FHIT: variants seen among roughly 807,000 people sequenced by gnomAD.
FHIT encodes fragile histidine triad diadenosine triphosphatase, also known as bis(5'-adenosyl)-triphosphatase.
Under a neutral mutation model 17.9 loss-of-function variants are expected in FHIT, and 19 were observed. The observed-to-expected ratio is 1.06, with a 90% CI of 0.74 to 1.56. FHIT has a LOEUF of 1.56. Ranked by LOEUF, FHIT falls within the 40% of genes most tolerant of loss-of-function variation. The pLI is 0.00. For missense variants in FHIT, 248 were observed against 189.2 expected, an observed-to-expected ratio of 1.31 and a Z score of -1.82; for synonymous variants, 81 against 69.7, an observed-to-expected ratio of 1.16 and a Z score of -0.81.
chr3:60,413,355 G>A (rs1419267444), intron 5 of FHIT, among the ~76,000 whole-genome samples: 1 of 152,090 alleles, frequency 6.6e-6, no homozygotes, highest in Non-Finnish European at 1.5e-5. Flanking sequence ...GAGAGAGGGA[G>A]AGAAACACTA....
chr3:60,738,586 C>T (rs999152673), intron 4 of FHIT, among the ~76,000 whole-genome samples: 12 of 152,222 alleles, frequency 7.9e-5, no homozygotes, highest in Admixed American at 3.3e-4. Flanking sequence ...CACCTTGATG[C>T]ATTTGAAGAA....
intron 4 of FHIT, among the ~76,000 whole-genome samples, chr3:60,774,822 A>C (rs1056158523): frequency 1.3e-5 from 2 of 152,204 alleles, no homozygotes; most frequent in African/African-American, 2.4e-5. Flanking sequence ...ACATGGGATG[A>C]TTCATACACT....
chr3:60,744,283 A>C (rs1243421548), intron 4 of FHIT, among the ~76,000 whole-genome samples: 5 of 138,236 alleles, frequency 3.6e-5, no homozygotes, highest in South Asian at 4.6e-4. Flanking sequence ...AAAAAAAAAA[A>C]CAGAAAGAAA....
At chr3:60,037,523 C>G (rs1701268882) in intron 5 of FHIT, among the ~76,000 whole-genome samples, 1 of 151,434 alleles carries the variant, frequency 6.6e-6, no homozygotes, top group South Asian at 2.1e-4. Context: ...GCTGGGACTA[C>G]AGGCACGCAC....
chr3:59,940,330 T>C (rs1027915324), intron 7 of FHIT, among the ~76,000 whole-genome samples: 1 of 152,142 alleles, frequency 6.6e-6, no homozygotes, highest in Non-Finnish European at 1.5e-5. Flanking sequence ...TAAAAAAAAT[T>C]CACAATTTAT....
At chr3:59,758,046 C>T (rs571998345) in intron 8 of FHIT, among the ~76,000 whole-genome samples, 63 of 152,250 alleles carry the variant, frequency 4.1e-4, no homozygotes, top group African/African-American at 1.4e-3. Flanking sequence ...GCCTAACTAC[C>T]GAACTAGAAG....
At chr3:60,324,216 T>G (rs1412250061) in intron 5 of FHIT, among the ~76,000 whole-genome samples, 1 of 152,062 alleles carries the variant, frequency 6.6e-6, no homozygotes. Flanking sequence ...ATCTCTCTGC[T>G]AGTAACAGCC....
chr3:60,201,293 C>CATTCTAA (rs1417025326), intron 5 of FHIT, among the ~76,000 whole-genome samples: 14 of 152,196 alleles, frequency 9.2e-5, no homozygotes, highest in African/African-American at 3.4e-4. Context: ...TTTCAATCAT[C>CATTCTAA]ATTCTAAATT....
intron 3 of FHIT, among the ~76,000 whole-genome samples, chr3:60,990,820 A>C (rs960826870): frequency 6.6e-6 from 1 of 152,256 alleles, no homozygotes; most frequent in South Asian, 2.1e-4. Context: ...TTTTTAAAAT[A>C]AAACTTTCTT....
intron 5 of FHIT, among the ~76,000 whole-genome samples, chr3:60,399,137 G>C (rs1275293998): frequency 6.6e-6 from 1 of 152,132 alleles, no homozygotes; most frequent in African/African-American, 2.4e-5. Flanking sequence ...AACTAAATAA[G>C]TGGCTTAAAG....
At chr3:61,049,793 G>T (rs545700677) in intron 2 of FHIT, among the ~76,000 whole-genome samples, 1 of 152,244 alleles carries the variant, frequency 6.6e-6, no homozygotes, top group South Asian at 2.1e-4. Flanking sequence ...ACCTTCTGCC[G>T]TTCTCTCCTG....
intron 8 of FHIT, among the ~76,000 whole-genome samples, chr3:59,911,939 T>A (rs1704899372): frequency 6.6e-6 from 1 of 152,068 alleles, no homozygotes; most frequent in Admixed American, 6.6e-5. Context: ...TGAAGATGAG[T>A]AAGATGCCTC....
intron 5 of FHIT, among the ~76,000 whole-genome samples, chr3:60,209,876 T>G (rs567234089): frequency 6.6e-6 from 1 of 150,644 alleles, no homozygotes; most frequent in Admixed American, 6.6e-5. Flanking sequence ...TAAGGGGGAG[T>G]TGAACAATGA....
At chr3:60,314,868 C>A (rs1277084971) in intron 5 of FHIT, among the ~76,000 whole-genome samples, 1 of 152,054 alleles carries the variant, frequency 6.6e-6, no homozygotes, top group Admixed American at 6.6e-5. Flanking sequence ...CAGGATCACT[C>A]GAGTCCCAAG....
chr3:60,215,036 G>C (rs1387137536), intron 5 of FHIT, among the ~76,000 whole-genome samples: 2 of 151,926 alleles, frequency 1.3e-5, no homozygotes, highest in Non-Finnish European at 2.9e-5. Context: ...ATGAGGAGGG[G>C]CACATGGATT....
intron 4 of FHIT, among the ~76,000 whole-genome samples, chr3:60,682,599 G>GA (rs1201879216): frequency 1.3e-5 from 2 of 152,116 alleles, no homozygotes; most frequent in Non-Finnish European, 2.9e-5. Flanking sequence ...CTATTGCTCA[G>GA]AAAAAAGATT....
At chr3:61,176,761 T>G (rs141184230) in intron 2 of FHIT, among the ~76,000 whole-genome samples, 1 of 152,322 alleles carries the variant, frequency 6.6e-6, no homozygotes, top group East Asian at 1.9e-4. Flanking sequence ...AAGCTTAAAC[T>G]TCAGGGTCCC....
At chr3:61,014,807 A>AAAAAAAAAATT (rs1553798839) in intron 3 of FHIT, among the ~76,000 whole-genome samples, 14 of 49,116 alleles carry the variant, frequency 2.9e-4, no homozygotes, top group African/African-American at 3.8e-4. Flanking sequence ...AAAAAAAAAA[A>AAAAAAAAAATT]ATATATATAT....
intron 4 of FHIT, chr3:60,596,157 T>G: frequency 2.8e-6 from 1 of 351,048 alleles, no homozygotes; most frequent in Non-Finnish European, 4.0e-6. Flanking sequence ...CTTTTTCTCC[T>G]GTAATTAACC....
Sources: allele counts gnomAD v4.1 joint callset (sites outside exome capture counted in the v4.1 genomes callset), GRCh38; gene constraint gnomAD v4.1.1; transcripts MANE v1.5; gene names NCBI Gene and HGNC (gene_info 2026-07-23, HGNC 2026-07-21).